AP2B1: variants seen among roughly 807,000 people sequenced by gnomAD.
The protein encoded by AP2B1 is AP-2 complex subunit beta.
In AP2B1, 23 loss-of-function variants were observed where a neutral mutation model predicts 102.0. The observed-to-expected ratio is 0.23, with a 90% CI of 0.16 to 0.32. The LOEUF is 0.32. Among genes scored for constraint, AP2B1 ranks in the 10% least tolerant of loss-of-function variants. The pLI is 1.00. For missense variants in AP2B1, 541 were observed against 1,157.4 expected (o/e 0.47, Z 7.73); for synonymous variants, 381 against 421.2 (o/e 0.90, Z 1.17).
At chr17:35,717,950 A>G (rs2085227401) in intron 21 of AP2B1, among the ~76,000 whole-genome samples, 1 of 152,212 alleles carries the variant, frequency 6.6e-6, no homozygotes, top group African/African-American at 2.4e-5. Flanking sequence ...TTGCTTTGTT[A>G]AACAGCAGAT....
At chr17:35,596,558 T>C (rs532382905) in intron 2 of AP2B1, among the ~76,000 whole-genome samples, 1 of 149,912 alleles carries the variant, frequency 6.7e-6, no homozygotes, top group South Asian at 2.1e-4. Context: ...CAGGTTTTAA[T>C]GTCCCAGTCC....
chr17:35,610,856 G>A (rs371697375), intron 5 of AP2B1, among the ~76,000 whole-genome samples: 8 of 150,464 alleles, frequency 5.3e-5, no homozygotes, highest in East Asian at 2.0e-4. Flanking sequence ...GCAGTGAGCC[G>A]AGGTCGTGCC....
At chr17:35,597,922 T>C (rs936417287) in intron 2 of AP2B1, among the ~76,000 whole-genome samples, 60 of 152,328 alleles carry the variant, frequency 3.9e-4, no homozygotes, top group African/African-American at 1.3e-3. Context: ...TCATCCTTCA[T>C]ATACTGTTCT....
chr17:35,607,200 C>T (rs369462075), intron 4 of AP2B1, among the ~76,000 whole-genome samples: 1 of 151,868 alleles, frequency 6.6e-6, no homozygotes, highest in African/African-American at 2.4e-5. Flanking sequence ...CCACCATGTC[C>T]AGCCTAATAT....
At chr17:35,693,394 A>G (rs1218301063) in intron 18 of AP2B1, among the ~76,000 whole-genome samples, 1 of 152,182 alleles carries the variant, frequency 6.6e-6, no homozygotes, top group Non-Finnish European at 1.5e-5. Context: ...AGATTTTTAT[A>G]AATTAAGTTT....
chr17:35,635,082 C>T (rs1041953178), intron 9 of AP2B1, among the ~76,000 whole-genome samples: 3 of 152,120 alleles, frequency 2.0e-5, no homozygotes, highest in Admixed American at 1.3e-4. Flanking sequence ...GGCATAGTCT[C>T]GCTCTGTCGG....
chr17:35,718,179 CTG>C (rs1157835044), intron 21 of AP2B1, among the ~76,000 whole-genome samples: 1 of 136,234 alleles, frequency 7.3e-6, no homozygotes, highest in African/African-American at 2.9e-5. Context: ...TGAGAAAACT[CTG>C]TGACCCGTTC....
In AP2B1 at chr17:35,626,726, T is replaced by A. The variant is rs1463797778; in HGVS notation, c.822T>A (p.Ser274=). The A allele has an allele frequency of 2.1e-5, 34 of 1,614,048 alleles. No individual in the cohort carries two copies. Among genetic ancestry groups the A allele is most frequent in the Non-Finnish European group, 2.8e-5 (33 of 1,179,996 alleles). The part of the protein sequence containing the change: ...MKFLELLPKD[S]DYYNMLLKKL... ...TTCTAGAATTGTTACCTAAGGATTCTGACTACTACAATATGCTGCTGAAGA... is the reference window on the plus strand; with the variant it reads ...TTCTAGAATTGTTACCTAAGGATTCAGACTACTACAATATGCTGCTGAAGA... Residue 274 remains serine, a synonymous_variant, in exon 7 of 22, where the codon TCT becomes TCA. Coordinates refer to ENST00000610402, the MANE Select transcript of AP2B1 (RefSeq NM_001030006.2).
chr17:35,644,534 C>A (rs920737185), intron 12 of AP2B1, among the ~76,000 whole-genome samples: 3 of 151,216 alleles, frequency 2.0e-5, no homozygotes, highest in Non-Finnish European at 4.4e-5. Flanking sequence ...CATGCCACCA[C>A]GCCCAGCTAA....
At chr17:35,614,151 G>A (rs1391502072) in intron 5 of AP2B1, among the ~76,000 whole-genome samples, 2 of 151,952 alleles carry the variant, frequency 1.3e-5, no homozygotes, top group Non-Finnish European at 2.9e-5. Context: ...GCTCTTGACA[G>A]CCCCACCATA....
intron 11 of AP2B1, 133 bp from the exon 12 acceptor site, chr17:35,641,744 G>A: frequency 1.8e-6 from 1 of 547,874 alleles, no homozygotes; most frequent in Non-Finnish European, 3.2e-6. Flanking sequence ...TTGAGTTTCA[G>A]CCTTTTGTCT....
chr17:35,616,140 C>CT (rs1567817288), intron 5 of AP2B1, among the ~76,000 whole-genome samples: 1 of 79,330 alleles, frequency 1.3e-5, no homozygotes, highest in South Asian at 4.3e-4. Context: ...TAAAAAATAT[C>CT]TCTTTTTTTT....
intron 3 of AP2B1, 26 bp downstream of exon 3, chr17:35,598,361 A>G (rs1227562213): frequency 1.3e-6 from 2 of 1,503,322 alleles, no homozygotes; most frequent in Non-Finnish European, 1.8e-6. Flanking sequence ...CTTGCCATTG[A>G]TCACTTCAGA....
At chr17:35,695,984 A>G (rs1251884799) in intron 18 of AP2B1, among the ~76,000 whole-genome samples, 1 of 152,210 alleles carries the variant, frequency 6.6e-6, no homozygotes, top group Admixed American at 6.5e-5. Flanking sequence ...GTGCTATAGC[A>G]AGAATTAAGC....
At chr17:35,716,035 G>A (rs587729815) in intron 20 of AP2B1, among the ~76,000 whole-genome samples, 8 of 152,254 alleles carry the variant, frequency 5.3e-5, no homozygotes, top group African/African-American at 1.2e-4. Context: ...TTGATGAAAG[G>A]TACCTGTTGT....
intron 12 of AP2B1, among the ~76,000 whole-genome samples, chr17:35,645,157 A>G (rs2074894242): frequency 4.6e-5 from 7 of 152,188 alleles, no homozygotes; most frequent in African/African-American, 1.4e-4. Flanking sequence ...GTGAGTACCA[A>G]TTTAAGTTTA....
intron 21 of AP2B1, among the ~76,000 whole-genome samples, chr17:35,719,588 T>C (rs2085295185): frequency 6.6e-6 from 1 of 152,258 alleles, no homozygotes; most frequent in Non-Finnish European, 1.5e-5. Flanking sequence ...GGCCAAGTAA[T>C]AGTTCACTGT....
intron 5 of AP2B1, among the ~76,000 whole-genome samples, chr17:35,617,398 G>A (rs569183332): frequency 8.5e-5 from 13 of 152,108 alleles, no homozygotes; most frequent in South Asian, 2.1e-4. Flanking sequence ...TTGTAGTGCC[G>A]GATATTAATA....
At chr17:35,674,385 A>G (rs2075654640) in intron 17 of AP2B1, 64 bp downstream of exon 17, 1 of 1,582,024 alleles carries the variant, frequency 6.3e-7, no homozygotes, top group African/African-American at 1.3e-5. Context: ...CAACAAGAGA[A>G]CATTCCATTT....
Sources: allele counts gnomAD v4.1 joint callset (sites outside exome capture counted in the v4.1 genomes callset), GRCh38; gene constraint gnomAD v4.1.1; transcripts MANE v1.5; gene names NCBI Gene and HGNC (gene_info 2026-07-23, HGNC 2026-07-21).